TUSC3: variants seen among roughly 807,000 people sequenced by gnomAD.
The protein encoded by TUSC3 is tumor suppressor candidate 3, also known as dolichyl-diphosphooligosaccharide--protein glycosyltransferase subunit TUSC3.
A neutral mutation model predicts 44.8 loss-of-function variants in TUSC3; 45 were observed. That is an observed-to-expected ratio of 1.00 (90% CI 0.79 to 1.29). The LOEUF (loss-of-function observed/expected upper bound fraction) is 1.29. Among genes scored for constraint, TUSC3 ranks in the 50% most tolerant of loss-of-function variants. The probability of loss-of-function intolerance (pLI) is 0.00; values close to 1 mark genes in which losing one functional copy is unlikely to be tolerated. For missense variants in TUSC3, 519 were observed against 437.9 expected, an observed-to-expected ratio of 1.19 and a Z score of -1.65; for synonymous variants, 212 against 152.9, an observed-to-expected ratio of 1.39 and a Z score of -2.85.
At chr8:15,585,213 A>G (rs1290823955) in intron 1 of TUSC3, among the ~76,000 whole-genome samples, 1 of 152,172 alleles carries the variant, frequency 6.6e-6, no homozygotes, top group African/African-American at 2.4e-5. Flanking sequence ...TGGGAGCTAT[A>G]TAGGGGGACA....
chr8:15,458,423 G>A (rs750570473), intron 1 of TUSC3, among the ~76,000 whole-genome samples: 2 of 152,062 alleles, frequency 1.3e-5, no homozygotes, highest in Non-Finnish European at 2.9e-5. Flanking sequence ...ACTTTTTGTA[G>A]AGATGAGGTT....
chr8:15,557,291 G>GT (rs199602174), intron 1 of TUSC3, among the ~76,000 whole-genome samples: 395 of 396 alleles, frequency 1, 197 homozygotes, highest in Middle Eastern at 1. Context: ...TTTTTCTCAG[G>GT]TTGTCAAAGA....
Position 15,688,678 on chromosome 8 carries a change from G to A in TUSC3, c.798+14842G>A, listed in dbSNP as rs113915257. Among the ~76,000 whole-genome samples, 120 of 152,188 alleles carry A rather than the reference G, an allele frequency of 7.9e-4. 1 individual carries two copies. Among genetic ancestry groups the A allele is most frequent in the African/African-American group, 2.8e-3 (117 of 41,524 alleles). ...CTCAGAATAACGCACAAAAGCACAC[G>A]TTGAGGCTGCTGTTAGGAGATTTCC... On this transcript the variant is annotated intron_variant, in intron 6 of 10. Coordinates refer to ENST00000503731, the MANE Select transcript of TUSC3 (RefSeq NM_006765.4).
the TUSC3 span, among the ~76,000 whole-genome samples, chr8:15,834,304 A>T: frequency 6.6e-6 from 1 of 152,172 alleles, no homozygotes; most frequent in Non-Finnish European, 1.5e-5. Flanking sequence ...AACAAAATTA[A>T]TAATCAGTAC....
chr8:15,836,439 C>T, the TUSC3 span, among the ~76,000 whole-genome samples: 12 of 149,802 alleles, frequency 8.0e-5, no homozygotes, highest in East Asian at 7.9e-4. Flanking sequence ...ATCACACCAC[C>T]GCACTCCAGC....
chr8:15,756,165 A>C (rs1198946273), intron 9 of TUSC3, among the ~76,000 whole-genome samples: 1 of 152,320 alleles, frequency 6.6e-6, no homozygotes, highest in East Asian at 1.9e-4. Context: ...CTAGCTCTGC[A>C]TTTAGACAAA....
At chr8:15,752,683 T>C (rs352792) in intron 9 of TUSC3, among the ~76,000 whole-genome samples, 4,659 of 152,172 alleles carry the variant, frequency 0.031, 218 homozygotes, top group African/African-American at 0.1. Flanking sequence ...TGCTTACTTG[T>C]CTCTCCTGTG....
At position 15,561,393 on chromosome 8, in the gene TUSC3, A is replaced by C. The variant is rs1265886808; in HGVS notation, c.138+20825A>C. Among the ~76,000 whole-genome samples, 8 of 140,988 alleles carry C rather than the reference A, an allele frequency of 5.7e-5. 2 individuals are homozygous for C. Among genetic ancestry groups the C allele is most frequent in the Non-Finnish European group, 1.3e-4 (8 of 63,958 alleles). The allele number at this position is 140,988 out of a possible 152,430, so 92.5% of individuals were successfully genotyped here. A position where few individuals can be genotyped will look rare whatever the true frequency, so the allele number is the denominator to read the frequency against. ...TCTCCAGCTGCGTGCTGGGAGAACC[A>C]CTGCTCTCTTAAAAGCTGTCAGACA... is the stretch of plus-strand genomic sequence containing the variant. On this transcript the variant is annotated intron_variant, in intron 1 of 10. Coordinates refer to ENST00000503731, the MANE Select transcript of TUSC3 (RefSeq NM_006765.4).
At chr8:15,561,537 T>G (rs1364477358) in intron 1 of TUSC3, 1 of 150,808 alleles carries the variant, frequency 6.6e-6, no homozygotes, top group East Asian at 2.0e-4. Flanking sequence ...TCCACCCAGT[T>G]CGAGCTTCCT....
chr8:15,423,345 A>G (rs1350171722), intron 1 of TUSC3, among the ~76,000 whole-genome samples: 1 of 152,128 alleles, frequency 6.6e-6, no homozygotes, highest in Non-Finnish European at 1.5e-5. Flanking sequence ...AGTGAGTTGG[A>G]CTATGTACCC....
At chr8:15,762,827 A>C (rs940393046) in intron 10 of TUSC3, among the ~76,000 whole-genome samples, 1 of 152,078 alleles carries the variant, frequency 6.6e-6, no homozygotes, top group Non-Finnish European at 1.5e-5. Flanking sequence ...TATCTGCTTT[A>C]CCAGCAGTGT....
intron 1 of TUSC3, among the ~76,000 whole-genome samples, chr8:15,618,201 G>C (rs1805079797): frequency 6.6e-6 from 1 of 152,126 alleles, no homozygotes. Flanking sequence ...GTACACTACT[G>C]TAGACTCTAT....
At chr8:15,459,875 T>TAC (rs1554503595) in intron 1 of TUSC3, among the ~76,000 whole-genome samples, 2,799 of 148,228 alleles carry the variant, frequency 0.019, 101 homozygotes, top group African/African-American at 0.069. Context: ...TGTGTGTGTG[T>TAC]ATACATACAT....
chr8:15,654,709 A>G lies in TUSC3; in HGVS notation c.426+3895A>G, dbSNP rs566653864. 2.0e-5 allele frequency among the ~76,000 whole-genome samples: 3 copies of G among 152,254 alleles called. No individual in the cohort carries two copies. In the East Asian group the frequency reaches 5.8e-4, roughly 29 times the overall value. On this transcript the variant is annotated intron_variant, in intron 3 of 10. Transcript: ENST00000503731. ...CTACTGGGGAGGCTGAGGCAGGAGA[A>G]TTGCTTGAACCCAGGATATTGAGGT...
chr8:15,778,532 A>T, the TUSC3 span, among the ~76,000 whole-genome samples: 1 of 152,124 alleles, frequency 6.6e-6, no homozygotes, highest in Admixed American at 6.6e-5. Context: ...TATCATCACC[A>T]TGCGAACACA....
rs1321462706 is a variant in TUSC3, at chr8:15,650,883, A to G, written c.426+69A>G. 7.4e-6 allele frequency: 11 copies of G among 1,495,534 alleles called. No homozygotes were observed. The East Asian group carries it at 9.1e-5, about 12-fold the overall frequency. The allele number at this position is 1,495,534 out of a possible 1,614,324, so 92.6% of individuals were successfully genotyped here. On this transcript the variant is annotated intron_variant, in intron 3 of 10. Coordinates refer to ENST00000503731, the MANE Select transcript of TUSC3 (RefSeq NM_006765.4). ...TGGTCGATACATTTTTGTTTGTCAC[A>G]TAAAAATACAATTCATTCATCGTCT...
intron 1 of TUSC3, among the ~76,000 whole-genome samples, chr8:15,594,507 C>A (rs1168630701): frequency 3.9e-5 from 6 of 152,108 alleles, no homozygotes; most frequent in Non-Finnish European, 8.8e-5. Context: ...CTGTGACTAT[C>A]ATTGAGGTTT....
intron 6 of TUSC3, among the ~76,000 whole-genome samples, chr8:15,718,850 C>A (rs145889465): frequency 7.7e-4 from 117 of 152,044 alleles, no homozygotes; most frequent in Non-Finnish European, 1.3e-3. Context: ...ACTATACATC[C>A]TATCAGTTTT....
chr8:15,596,753 C>T (rs1053549272), intron 1 of TUSC3, among the ~76,000 whole-genome samples: 2 of 151,920 alleles, frequency 1.3e-5, no homozygotes, highest in African/African-American at 4.8e-5. Flanking sequence ...TGTTGCTGAA[C>T]TGATTGGATA....
Sources: gnomAD v4.1 joint callset for allele counts (sites outside exome capture counted in the v4.1 genomes callset) on GRCh38, gnomAD v4.1.1 for gene constraint, MANE v1.5 for transcripts, NCBI Gene and HGNC (gene_info 2026-07-23, HGNC 2026-07-21) for gene names.